Variants in STXBP5L observed in about 807,000 individuals in gnomAD.
The protein encoded by STXBP5L is syntaxin binding protein 5L.
A neutral mutation model predicts 144.5 loss-of-function variants in STXBP5L; 65 were observed. The observed-to-expected ratio is 0.45, with a 90% CI of 0.37 to 0.55. The LOEUF is 0.55. Among genes scored for constraint, STXBP5L ranks in the 20% least tolerant of loss-of-function variants. STXBP5L has a pLI of 0.00. For synonymous variants in STXBP5L, 505 were observed against 469.6 expected (o/e 1.08, Z -0.97); for missense variants, 1,298 against 1,405.5 (o/e 0.92, Z 1.22).
intron 26 of STXBP5L, among the ~76,000 whole-genome samples, 200 bp from the exon 27 acceptor site, chr3:121,418,856 T>C (rs2047302201): frequency 6.6e-6 from 1 of 152,214 alleles, no homozygotes; most frequent in African/African-American, 2.4e-5. Flanking sequence ...TGAAAAATCA[T>C]TTTCTATCAG....
intron 20 of STXBP5L, among the ~76,000 whole-genome samples, chr3:121,327,163 C>G (rs925235190): frequency 7.2e-5 from 11 of 152,072 alleles, no homozygotes; most frequent in Non-Finnish European, 4.4e-5. Context: ...TAGGAGTCAG[C>G]AGAAAGACAT....
chr3:121,210,118 T>A (rs1453879094), intron 10 of STXBP5L, among the ~76,000 whole-genome samples: 1 of 152,098 alleles, frequency 6.6e-6, no homozygotes, highest in East Asian at 1.9e-4. Context: ...TTTTTAATGA[T>A]CGCCATTCTA....
At chr3:121,381,609 G>A (rs903972412) in intron 22 of STXBP5L, 77 bp downstream of exon 22, 7 of 1,545,406 alleles carry the variant, frequency 4.5e-6, no homozygotes, top group East Asian at 2.3e-5. Context: ...ACATAAATTT[G>A]TATTGATTTG....
At chr3:121,256,308 G>A (rs2050204017) in intron 16 of STXBP5L, among the ~76,000 whole-genome samples, 1 of 151,802 alleles carries the variant, frequency 6.6e-6, no homozygotes, top group African/African-American at 2.4e-5. Flanking sequence ...CAATAATTTT[G>A]GTGATATTCC....
intron 15 of STXBP5L, among the ~76,000 whole-genome samples, chr3:121,253,602 T>TACAC (rs1346527923): frequency 4.0e-5 from 6 of 148,214 alleles, no homozygotes; most frequent in Admixed American, 6.7e-5. Flanking sequence ...TATATATGTG[T>TACAC]ATATATATGT....
At chr3:121,109,144 T>A (rs960158707) in intron 5 of STXBP5L, among the ~76,000 whole-genome samples, 2 of 152,172 alleles carry the variant, frequency 1.3e-5, no homozygotes, top group Non-Finnish European at 2.9e-5. Context: ...TCTTTATTAG[T>A]CTAGGTAGCG....
At chr3:121,384,303 A>G (rs1040845593) in intron 22 of STXBP5L, among the ~76,000 whole-genome samples, 1 of 152,158 alleles carries the variant, frequency 6.6e-6, no homozygotes, top group Non-Finnish European at 1.5e-5. Flanking sequence ...AGAGCTCCCT[A>G]ACAAAGATGA....
chr3:121,390,536 T>C (rs1389093281), intron 22 of STXBP5L, among the ~76,000 whole-genome samples: 1 of 152,234 alleles, frequency 6.6e-6, no homozygotes, highest in Non-Finnish European at 1.5e-5. Context: ...CGGTTGTTTC[T>C]TTCCATGTTT....
intron 3 of STXBP5L, among the ~76,000 whole-genome samples, chr3:120,957,853 A>G (rs573874319): frequency 1.2e-4 from 18 of 152,298 alleles, no homozygotes; most frequent in Non-Finnish European, 2.2e-4. Context: ...AAAGAACTAG[A>G]GAAGCAAGAG....
At chr3:121,269,259 CTTTAG>C (rs1159424378) in intron 18 of STXBP5L, among the ~76,000 whole-genome samples, 1 of 152,126 alleles carries the variant, frequency 6.6e-6, no homozygotes, top group Non-Finnish European at 1.5e-5. Flanking sequence ...ATGTGGTTAA[CTTTAG>C]TTAACTCAGT....
intron 3 of STXBP5L, among the ~76,000 whole-genome samples, chr3:120,967,891 A>G (rs557812318): frequency 6.6e-6 from 1 of 152,250 alleles, no homozygotes; most frequent in African/African-American, 2.4e-5. Context: ...TTGCTTAATA[A>G]TTATGATTTT....
At chr3:121,311,910 G>C in intron 19 of STXBP5L, among the ~76,000 whole-genome samples, 1 of 152,160 alleles carries the variant, frequency 6.6e-6, no homozygotes. Context: ...AAAGAACAAA[G>C]CTGGAGGCAT....
At chr3:121,199,694 G>T (rs1440098750) in intron 9 of STXBP5L, among the ~76,000 whole-genome samples, 1 of 152,142 alleles carries the variant, frequency 6.6e-6, no homozygotes, top group African/African-American at 2.4e-5. Context: ...ATCATGAAAG[G>T]ATGTTGAATT....
chr3:121,347,517 G>A (rs1258331936), intron 20 of STXBP5L, among the ~76,000 whole-genome samples: 29 of 152,052 alleles, frequency 1.9e-4, no homozygotes, highest in Non-Finnish European at 1.5e-4. Flanking sequence ...AACTTGATGG[G>A]GATGGCATTG....
intron 9 of STXBP5L, among the ~76,000 whole-genome samples, chr3:121,189,816 T>C (rs2047562935): frequency 6.6e-6 from 1 of 152,162 alleles, no homozygotes; most frequent in African/African-American, 2.4e-5. Flanking sequence ...TAATGAATAA[T>C]TTGCGTGTGA....
chr3:120,912,394 G>A lies in STXBP5L; in HGVS notation c.189+2627G>A, dbSNP rs982525968. 2.0e-5 allele frequency among the ~76,000 whole-genome samples: 3 copies of A among 151,964 alleles called. No individual in the cohort carries two copies. In the East Asian group the frequency reaches 5.8e-4, roughly 29 times the overall value. Reference sequence around the variant, plus strand: ...CAAACAAAAAAATGTGGCAACTCATGGGCACACATTTGTTTCAGAAATTAT... The same window carrying A: ...CAAACAAAAAAATGTGGCAACTCATAGGCACACATTTGTTTCAGAAATTAT... On this transcript the variant is annotated intron_variant, in intron 2 of 26. Coordinates refer to ENST00000471454, the MANE Select transcript of STXBP5L (RefSeq NM_001308330.2).
chr3:120,915,838 G>C (rs1346170893), intron 2 of STXBP5L, among the ~76,000 whole-genome samples: 2 of 152,048 alleles, frequency 1.3e-5, no homozygotes, highest in African/African-American at 4.8e-5. Flanking sequence ...TAGTTATAAA[G>C]AATAGAATAT....
intron 20 of STXBP5L, among the ~76,000 whole-genome samples, chr3:121,333,367 G>A (rs576600028): frequency 1.8e-4 from 28 of 152,092 alleles, no homozygotes; most frequent in African/African-American, 4.3e-4. Context: ...CTGGGACACG[G>A]CTAAGTCAGT....
chr3:121,407,716 G>A, intron 23 of STXBP5L, 113 bp downstream of exon 23: 2 of 1,342,440 alleles, frequency 1.5e-6, no homozygotes, highest in Non-Finnish European at 2.0e-6. Flanking sequence ...TGAGATTATT[G>A]TTTCATTATG....
Sources: gnomAD v4.1 joint callset for allele counts (sites outside exome capture counted in the v4.1 genomes callset) on GRCh38, gnomAD v4.1.1 for gene constraint, MANE v1.5 for transcripts, NCBI Gene and HGNC (gene_info 2026-07-23, HGNC 2026-07-21) for gene names.